The following SDC3 variants were observed in gnomAD, a reference collection of about 807,000 sequenced individuals.
SDC3 encodes syndecan-3.
Under a neutral mutation model 24.4 loss-of-function variants are expected in SDC3, and 13 were observed. The observed-to-expected ratio is 0.53, with a 90% CI of 0.35 to 0.85. SDC3 has a LOEUF of 0.85. SDC3 is among the 40% of genes least tolerant of loss of function. The pLI is 0.01. For missense variants in SDC3, 571 were observed against 584.5 expected (o/e 0.98, Z 0.24); for synonymous variants, 295 against 260.9 (o/e 1.13, Z -1.26).
intron 1 of SDC3, among the ~76,000 whole-genome samples, chr1:30,896,346 T>C (rs1443882273): frequency 2.0e-5 from 3 of 152,110 alleles, no homozygotes; most frequent in Non-Finnish European, 4.4e-5. Flanking sequence ...AATGTAACCC[T>C]GAGGGGAACC....
intron 1 of SDC3, among the ~76,000 whole-genome samples, chr1:30,891,769 C>T (rs1457593633): frequency 6.6e-6 from 1 of 151,028 alleles, no homozygotes; most frequent in Admixed American, 6.6e-5. Context: ...AGGAGGATGG[C>T]TTGAACCCGG....
chr1:30,876,691 G>A lies in SDC3; in HGVS notation c.731C>T (p.Pro244Leu). Reference sequence around the variant, plus strand: ...AGCTGTGCTGACCAGCCTGGGTGTTGGGGCCTCGGTGTCCAAGACAGCCGC... The same window carrying A: ...AGCTGTGCTGACCAGCCTGGGTGTTAGGGCCTCGGTGTCCAAGACAGCCGC... ...TTAAVLDTEA[P>L]TPRLVSTATS... Residue 244 changes from proline (P) to leucine (L), a missense_variant, in exon 3 of 5, where the codon CCA (proline) becomes CTA (leucine). Coordinates refer to ENST00000339394, the MANE Select transcript of SDC3 (RefSeq NM_014654.4). 9 of 1,603,418 alleles carry A rather than the reference G, an allele frequency of 5.6e-6. No homozygotes were observed. The highest frequency in any genetic ancestry group is 7.7e-6 in the Non-Finnish European group (9 of 1,174,552).
intron 1 of SDC3, chr1:30,880,592 CT>C (rs1639728791): frequency 6.6e-6 from 1 of 152,154 alleles, no homozygotes; most frequent in East Asian, 1.9e-4. Flanking sequence ...CCAGTCACCC[CT>C]GAGCCCACCT....
chr1:30,876,430 C>T (rs1639638298), intron 3 of SDC3, 122 bp downstream of exon 3: 1 of 801,298 alleles, frequency 1.2e-6, no homozygotes, highest in Non-Finnish European at 1.8e-6. Context: ...CCCTCGCCCC[C>T]ACTTTGTCTG....
chr1:30,899,398 A>C (rs1017458379), intron 1 of SDC3, among the ~76,000 whole-genome samples: 4 of 149,042 alleles, frequency 2.7e-5, no homozygotes, highest in Non-Finnish European at 4.4e-5. Context: ...TGTTTTTGAG[A>C]CAGTCGCGCT....
Position 30,876,586 on chromosome 1 carries a change from C to T in SDC3, c.836G>A (p.Gly279Glu). Reference protein sequence around the residue: ...DIPERSTLPLGTTAPGPTEVA... With the variant: ...DIPERSTLPLETTAPGPTEVA... ...CTCTGTGGGTCCAGGGGCAGTGGTCCCCAGGGGCAGGGTGCTCCTCTCAGG... is the reference window on the plus strand; with the variant it reads ...CTCTGTGGGTCCAGGGGCAGTGGTCTCCAGGGGCAGGGTGCTCCTCTCAGG... The change falls in exon 3 of 5, where the codon GGG becomes GAG. Residue 279 changes from glycine (G) to glutamate (E), a missense_variant. Around this residue, in one of 2 missense-constraint regions of SDC3, gnomAD observed 497 missense variants for 471.6 expected, o/e 1.05. Transcript: ENST00000339394. 6.5e-7 allele frequency: 1 copy of T among 1,530,944 alleles called. No individual in the cohort carries two copies. 94.8% of individuals were successfully genotyped at this position (1,530,944 alleles called of 1,614,324 possible). A position where few individuals can be genotyped will look rare whatever the true frequency, so the allele number is the denominator to read the frequency against.
At chr1:30,885,488 C>T (rs1380513417) in intron 1 of SDC3, among the ~76,000 whole-genome samples, 2 of 152,222 alleles carry the variant, frequency 1.3e-5, no homozygotes, top group Non-Finnish European at 2.9e-5. Context: ...AGAGAGCGCA[C>T]ATCCTCCCTG....
chr1:30,877,332 G>T, intron 2 of SDC3, 167 bp from the exon 3 acceptor site: 1 of 908,074 alleles, frequency 1.1e-6, no homozygotes, highest in Non-Finnish European at 1.7e-6. Context: ...CCCAGCTAAA[G>T]GTGGTCAGTT....
intron 1 of SDC3, among the ~76,000 whole-genome samples, chr1:30,890,285 C>A (rs1639886222): frequency 6.6e-6 from 1 of 152,184 alleles, no homozygotes; most frequent in Admixed American, 6.5e-5. Flanking sequence ...CCAGCCTGGG[C>A]AACAAGAGCA....
At chr1:30,883,070 C>T (rs1408723606) in intron 1 of SDC3, among the ~76,000 whole-genome samples, 1 of 152,204 alleles carries the variant, frequency 6.6e-6, no homozygotes, top group African/African-American at 2.4e-5. Flanking sequence ...AAGCCTCAAC[C>T]TCCTCATGAG....
intron 1 of SDC3, among the ~76,000 whole-genome samples, chr1:30,889,206 A>C (rs778060331): frequency 2.0e-5 from 3 of 152,154 alleles, no homozygotes; most frequent in Non-Finnish European, 4.4e-5. Context: ...AATAGGACTG[A>C]CCTCAGGGGT....
In SDC3 at chr1:30,908,724, G is replaced by C. The variant is rs1237642315; in HGVS notation, c.-138C>G. 3 of 196,934 alleles carry C rather than the reference G, an allele frequency of 1.5e-5. No individual in the cohort carries two copies. Among genetic ancestry groups the C allele is most frequent in the African/African-American group, 4.8e-5 (2 of 41,320 alleles). The allele number at this position is 196,934 out of a possible 1,614,324, so 12.2% of individuals were successfully genotyped here. A position where few individuals can be genotyped will look rare whatever the true frequency, so the allele number is the denominator to read the frequency against. On this transcript the variant is annotated 5_prime_UTR_variant, in exon 1 of 5. Coordinates refer to ENST00000339394, the MANE Select transcript of SDC3 (RefSeq NM_014654.4). ...CTCTAGGCTCGCGGGCTCCCGGCTCGGCCGCCCGGCTCCGCCTCGCAGCTC... is the reference window on the plus strand; with the variant it reads ...CTCTAGGCTCGCGGGCTCCCGGCTCCGCCGCCCGGCTCCGCCTCGCAGCTC...
intron 1 of SDC3, among the ~76,000 whole-genome samples, chr1:30,902,397 G>A (rs1638433860): frequency 6.6e-6 from 1 of 152,218 alleles, no homozygotes; most frequent in Non-Finnish European, 1.5e-5. Flanking sequence ...GGGGCCGGAA[G>A]TGAAGGCCAC....
At chr1:30,906,433 G>A (rs969700098) in intron 1 of SDC3, among the ~76,000 whole-genome samples, 6 of 152,096 alleles carry the variant, frequency 3.9e-5, no homozygotes, top group Non-Finnish European at 5.9e-5. Flanking sequence ...CCCGTGTTGC[G>A]AGGCCCTACT....
Position 30,878,731 on chromosome 1 carries a change from A to C in SDC3, c.148T>G (p.Trp50Gly). The C allele has an allele frequency of 6.2e-7, 1 of 1,614,094 alleles. No individual in the cohort carries two copies. Among genetic ancestry groups the C allele is most frequent in the Non-Finnish European group, 8.5e-7 (1 of 1,179,940 alleles). The change falls in exon 2 of 5, where the codon TGG becomes GGG. Residue 50 changes from tryptophan (W) to glycine (G), a missense_variant. By Grantham distance (184) the Trp-to-Gly change is radical. Around this residue, in one of 2 missense-constraint regions of SDC3, gnomAD observed 497 missense variants for 471.6 expected, o/e 1.05. Coordinates refer to ENST00000339394, the MANE Select transcript of SDC3 (RefSeq NM_014654.4). ...LAGRAAGAQR[W>G]RSENFERPVD... ...GGTCTCTCGAAGTTCTCACTGCGCC[A>C]GCGCTGGGCCTAGGGAAGGTAGAGG...
intron 3 of SDC3, among the ~76,000 whole-genome samples, chr1:30,875,263 C>G (rs1428424606): frequency 6.6e-6 from 1 of 152,208 alleles, no homozygotes; most frequent in Non-Finnish European, 1.5e-5. Flanking sequence ...GCCTGATGTC[C>G]AGGCTGAAAA....
chr1:30,904,204 G>A (rs1021945856), intron 1 of SDC3, among the ~76,000 whole-genome samples: 5 of 152,136 alleles, frequency 3.3e-5, no homozygotes, highest in Non-Finnish European at 7.4e-5. Context: ...CAGCCTTGGC[G>A]ATAGAGACTC....
intron 1 of SDC3, among the ~76,000 whole-genome samples, chr1:30,893,525 G>A (rs1337279699): frequency 1.3e-5 from 2 of 151,848 alleles, no homozygotes; most frequent in South Asian, 2.1e-4. Context: ...CAGCTCACGC[G>A]TCCCCTCCTC....
At chr1:30,902,721 C>T (rs938278855) in intron 1 of SDC3, among the ~76,000 whole-genome samples, 7 of 152,334 alleles carry the variant, frequency 4.6e-5, no homozygotes, top group South Asian at 4.1e-4. Context: ...CACAGTCCCT[C>T]GGTCCTGCCC....
Sources: allele counts gnomAD v4.1 joint callset (sites outside exome capture counted in the v4.1 genomes callset), GRCh38; gene constraint gnomAD v4.1.1; regional missense constraint gnomAD v4.1.1; transcripts MANE v1.5; gene names NCBI Gene and HGNC (gene_info 2026-07-23, HGNC 2026-07-21).